The following SCN1A variants were observed in gnomAD, a reference collection of about 807,000 sequenced individuals.
SCN1A encodes the protein sodium channel protein type 1 subunit alpha.
In SCN1A, 13 loss-of-function variants were observed where a neutral mutation model predicts 193.7. The observed-to-expected ratio is 0.07, with a 90% confidence interval of 0.04 to 0.11. The LOEUF is 0.11. Ranked by LOEUF, SCN1A falls within the 10% of genes least tolerant of loss-of-function variation. The probability of loss-of-function intolerance (pLI) is 1.00; values close to 1 mark genes in which losing one functional copy is unlikely to be tolerated. For synonymous variants in SCN1A, 781 were observed against 843.6 expected, an observed-to-expected ratio of 0.93 and a Z score of 1.29; for missense variants, 1,432 against 2,451.1, an observed-to-expected ratio of 0.58 and a Z score of 8.78.
intron 2 of SCN1A, among the ~76,000 whole-genome samples, chr2:166,090,036 T>TA (rs1686619228): frequency 8.0e-6 from 1 of 124,398 alleles, no homozygotes; most frequent in African/African-American, 3.3e-5. Flanking sequence ...TTCCTTTTTT[T>TA]TTTTTTTTTT....
chr2:166,047,068 A>G, intron 11 of SCN1A, 92 bp from the exon 12 acceptor site: 1 of 1,365,650 alleles, frequency 7.3e-7, no homozygotes. Context: ...AGCAAAACTC[A>G]GATATAAATA....
chr2:166,057,740 T>C (rs1028106493), intron 5 of SCN1A, among the ~76,000 whole-genome samples: 1 of 151,788 alleles, frequency 6.6e-6, no homozygotes, highest in Non-Finnish European at 1.5e-5. Context: ...TAGAATCCTT[T>C]AAAAAAAAGT....
In SCN1A at chr2:165,992,090, A is replaced by G; in HGVS notation, c.5185T>C (p.Leu1729=). The G allele has an allele frequency of 6.2e-7, 1 of 1,613,926 alleles. No individual in the cohort carries two copies. Among genetic ancestry groups the G allele is most frequent in the Non-Finnish European group, 8.5e-7 (1 of 1,179,920 alleles). ...QITTSAGWDG[L]LAPILNSKPP... is the part of the protein sequence containing the mutation. Reference sequence around the variant, plus strand: ...TTACTGTTGAGAATGGGTGCTAGCAATCCATCCCAGCCAGCAGAGGTTGTA... The same window carrying G: ...TTACTGTTGAGAATGGGTGCTAGCAGTCCATCCCAGCCAGCAGAGGTTGTA... The change falls in exon 29 of 29, where the codon TTG becomes CTG. Residue 1729 remains leucine, a synonymous_variant. Transcript: ENST00000674923. The surrounding 1 kb of genome is among the most constrained non-coding windows in gnomAD (Gnocchi z 6.5).
In SCN1A at chr2:166,024,067, C is replaced by T. The variant is rs181706398; in HGVS notation, c.3430-8340G>A. Among the ~76,000 whole-genome samples the T allele has an allele frequency of 2.6e-3, 401 of 152,040 alleles. 3 individuals are homozygous for T. The highest frequency in any genetic ancestry group is 4.8e-3 in the Non-Finnish European group (328 of 67,950). On this transcript the variant is annotated intron_variant, in intron 19 of 28. Coordinates refer to ENST00000674923, the MANE Select transcript of SCN1A (RefSeq NM_001165963.4). The stretch of plus-strand genomic sequence containing the variant: ...GCTGGGATTACAGTGTGAGACACCG[C>T]GCCTGGCCAAAAATTTTTTTAAATA...
At chr2:166,106,482 T>C (rs1688707983) in intron 2 of SCN1A, among the ~76,000 whole-genome samples, 1 of 151,910 alleles carries the variant, frequency 6.6e-6, no homozygotes, top group Admixed American at 6.6e-5. Context: ...TGGTCCACAG[T>C]TGGGCTACTG....
chr2:166,146,235 G>C (rs905790793), intron 1 of SCN1A, among the ~76,000 whole-genome samples: 12 of 152,086 alleles, frequency 7.9e-5, no homozygotes, highest in African/African-American at 2.4e-4. Flanking sequence ...ACCTGAGCAA[G>C]ATATCTGCCA....
intron 1 of SCN1A, among the ~76,000 whole-genome samples, chr2:166,140,019 G>C (rs1326428046): frequency 6.6e-6 from 1 of 152,022 alleles, no homozygotes; most frequent in African/African-American, 2.4e-5. Flanking sequence ...AATATATTTT[G>C]GGACCTTCAA....
chr2:166,042,849 C>G (rs1277995755), intron 14 of SCN1A, among the ~76,000 whole-genome samples: 1 of 152,162 alleles, frequency 6.6e-6, no homozygotes, highest in Non-Finnish European at 1.5e-5. Context: ...ACACACTTAG[C>G]TGCCATCTTA....
At chr2:166,001,849 T>C (rs943504757) in intron 24 of SCN1A, among the ~76,000 whole-genome samples, 1 of 151,006 alleles carries the variant, frequency 6.6e-6, no homozygotes, top group African/African-American at 2.4e-5. Flanking sequence ...TCATTTTTGT[T>C]TCTAGTTGCT....
chr2:166,071,015 G>T (rs17800893), intron 4 of SCN1A, among the ~76,000 whole-genome samples: 1 of 152,092 alleles, frequency 6.6e-6, no homozygotes, highest in Non-Finnish European at 1.5e-5. Flanking sequence ...GTAGCAAAAG[G>T]CCTGTTGAGG....
At position 166,020,782 on chromosome 2, in the gene SCN1A, G is replaced by T. The variant is rs1693956579; in HGVS notation, c.3430-5055C>A. ...ATTTCTGAGAAGATACTAAATTCAG[G>T]TTGCTTTATATGATTCGTTAAGATA... is the stretch of plus-strand genomic sequence containing the variant. On this transcript the variant is annotated intron_variant, in intron 19 of 28. Coordinates refer to ENST00000674923, the MANE Select transcript of SCN1A (RefSeq NM_001165963.4). 2.6e-5 allele frequency among the ~76,000 whole-genome samples: 4 copies of T among 151,926 alleles called. No individual in the cohort carries two copies. In the South Asian group the frequency reaches 8.3e-4, roughly 32 times the overall value.
At chr2:166,069,022 A>G (rs1684136874) in intron 4 of SCN1A, among the ~76,000 whole-genome samples, 1 of 152,202 alleles carries the variant, frequency 6.6e-6, no homozygotes, top group Non-Finnish European at 1.5e-5. Flanking sequence ...TGTAGGGCCA[A>G]ATGGTACAAA....
intron 1 of SCN1A, among the ~76,000 whole-genome samples, chr2:166,145,374 T>C (rs576025335): frequency 6.6e-6 from 1 of 152,228 alleles, no homozygotes; most frequent in Non-Finnish European, 1.5e-5. Flanking sequence ...AATACATATA[T>C]AGTCATTCAA....
At chr2:166,094,341 A>G (rs2106101507) in intron 2 of SCN1A, among the ~76,000 whole-genome samples, 1 of 152,326 alleles carries the variant, frequency 6.6e-6, no homozygotes, top group Non-Finnish European at 1.5e-5. Context: ...CTTTTAAATG[A>G]TCAATTTAGA....
At chr2:166,147,644 C>T (rs1197234387) in intron 1 of SCN1A, among the ~76,000 whole-genome samples, 2 of 152,080 alleles carry the variant, frequency 1.3e-5, no homozygotes, top group African/African-American at 4.8e-5. Context: ...GCTCTTATCT[C>T]AAGCTATGTC....
chr2:166,060,951 A>G (rs1192887436), intron 4 of SCN1A: 2 of 152,186 alleles, frequency 1.3e-5, no homozygotes, highest in Non-Finnish European at 2.9e-5. Context: ...TTTTAAAATA[A>G]GAATCTCTTG....
intron 19 of SCN1A, among the ~76,000 whole-genome samples, chr2:166,030,176 G>A (rs149534142): frequency 2.7e-4 from 41 of 152,282 alleles, no homozygotes; most frequent in Non-Finnish European, 4.7e-4. Context: ...GGTTAAGAGC[G>A]TGACTCTGGA....
At position 166,073,378 on chromosome 2, in the gene SCN1A, G is replaced by A; in HGVS notation, c.244C>T (p.Pro82Ser). ...MVSEPLEDLD[P>S]YYINKKTFIV... ...CTCACTTTCTTATTGATATAGTAGG[G>A]GTCCAGGTCCTCCAGGGGCTCTGAC... Residue 82 changes from proline (P) to serine (S), a missense_variant, in exon 4 of 29, where the codon CCC becomes TCC. Pro to Ser is a moderately conservative substitution (Grantham distance 74). Transcript: ENST00000674923. The A allele has an allele frequency of 1.9e-6, 3 of 1,613,906 alleles. No homozygotes were observed. Among genetic ancestry groups the A allele is most frequent in the South Asian group, 2.2e-5 (2 of 91,060 alleles).
chr2:166,134,827 C>T (rs1691793425), intron 1 of SCN1A, among the ~76,000 whole-genome samples: 1 of 152,088 alleles, frequency 6.6e-6, no homozygotes, highest in African/African-American at 2.4e-5. Context: ...GCTTTATACC[C>T]CTCCTTTAAA....
Sources: gnomAD v4.1 joint callset for allele counts (sites outside exome capture counted in the v4.1 genomes callset) on GRCh38, gnomAD v4.1.1 for gene constraint, Gnocchi (gnomAD v3.1) non-coding constraint, MANE v1.5 for transcripts, NCBI Gene and HGNC (gene_info 2026-07-23, HGNC 2026-07-21) for gene names.